BRD4: variants seen among roughly 807,000 people sequenced by gnomAD.
The protein encoded by BRD4 is bromodomain-containing protein 4.
A neutral mutation model predicts 142.1 loss-of-function variants in BRD4; 16 were observed. That is an observed-to-expected ratio of 0.11 (90% CI 0.08 to 0.17). The LOEUF (loss-of-function observed/expected upper bound fraction) is 0.17, where lower values mean the gene tolerates loss of function less well. Among genes scored for constraint, BRD4 ranks in the 10% least tolerant of loss-of-function variants. The probability of loss-of-function intolerance (pLI) is 1.00; values close to 1 mark genes in which losing one functional copy is unlikely to be tolerated. For synonymous variants in BRD4, 833 were observed against 707.5 expected (o/e 1.18, Z -2.82); for missense variants, 1,424 against 1,810.9 (o/e 0.79, Z 3.88).
At chr19:15,255,010 C>A (rs2047390756) in intron 10 of BRD4, among the ~76,000 whole-genome samples, 2 of 152,130 alleles carry the variant, frequency 1.3e-5, no homozygotes. Context: ...GAAGACTCAG[C>A]AGCAGGTAGC....
At chr19:15,290,754 A>G (rs2047775724) in intron 1 of BRD4, among the ~76,000 whole-genome samples, 1 of 152,270 alleles carries the variant, frequency 6.6e-6, no homozygotes, top group South Asian at 2.1e-4. Flanking sequence ...AGTGTGTTCC[A>G]TCTCATACCC....
intron 1 of BRD4, among the ~76,000 whole-genome samples, chr19:15,302,485 A>G (rs1294129078): frequency 6.6e-6 from 1 of 152,126 alleles, no homozygotes; most frequent in Non-Finnish European, 1.5e-5. Flanking sequence ...CCTGGCCAAC[A>G]TGGCAAAACC....
chr19:15,269,056 A>C lies in BRD4; in HGVS notation c.286-14T>G, dbSNP rs753457853. On this transcript the variant is annotated splice_polypyrimidine_tract_variant and intron_variant, in intron 2 of 19. Transcript: ENST00000679869. The stretch of plus-strand genomic sequence containing the variant: ...CTTATAGTAATCCTGGAGAGCAGAG[A>C]GCAAAAGTCCAGTGTCACCTAGGCA... The C allele has an allele frequency of 6.2e-7, 1 of 1,613,666 alleles. No individual in the cohort carries two copies. The highest frequency in any genetic ancestry group is 1.1e-5 in the South Asian group (1 of 91,030).
intron 11 of BRD4, chr19:15,248,608 C>T (rs758163537): frequency 8.8e-6 from 2 of 226,312 alleles, no homozygotes; most frequent in Non-Finnish European, 1.8e-5. Flanking sequence ...TGGAAATGCA[C>T]GGGAACAATG....
intron 11 of BRD4, chr19:15,249,393 C>T (rs909757746): frequency 2.3e-5 from 37 of 1,587,366 alleles, no homozygotes; most frequent in Non-Finnish European, 3.2e-5. Flanking sequence ...CCTCCTGCGC[C>T]CTGGTGGCTG....
chr19:15,264,830 G>A (rs2145601052), intron 5 of BRD4, 64 bp from the exon 6 acceptor site: 1 of 1,544,190 alleles, frequency 6.5e-7, no homozygotes, highest in South Asian at 1.3e-5. Context: ...CTGCCCTCAG[G>A]GTCACCCCCA....
At chr19:15,287,240 CTTTTT>C (rs200705352) in intron 1 of BRD4, among the ~76,000 whole-genome samples, 102 of 145,312 alleles carry the variant, frequency 7.0e-4, no homozygotes, top group South Asian at 2.0e-3. Flanking sequence ...TGCCTTTATT[CTTTTT>C]TTTTTTAAGA....
At chr19:15,283,773 T>C (rs2047721631) in intron 1 of BRD4, among the ~76,000 whole-genome samples, 1 of 152,222 alleles carries the variant, frequency 6.6e-6, no homozygotes, top group Admixed American at 6.5e-5. Flanking sequence ...CTTAAGTTTC[T>C]TCTCAAAGCA....
At position 15,236,896 on chromosome 19, in the gene BRD4, G is replaced by A. The variant is rs1244373138; in HGVS notation, c.*1481C>T. 1 of 200,308 alleles carries A rather than the reference G, an allele frequency of 5.0e-6. No individual in the cohort carries two copies. The highest frequency in any genetic ancestry group is 1.0e-5 in the Non-Finnish European group (1 of 97,236). 12.4% of individuals were successfully genotyped at this position (200,308 alleles called of 1,614,324 possible). A position where few individuals can be genotyped will look rare whatever the true frequency, so the allele number is the denominator to read the frequency against. ...AGTACAGACCAAATGCATATTCACC[G>A]TATGAAAGTCAAACCAGTCAGTGAC... On this transcript the variant is annotated 3_prime_UTR_variant, in exon 20 of 20. Transcript: ENST00000679869.
intron 1 of BRD4, among the ~76,000 whole-genome samples, 166 bp from the exon 2 acceptor site, chr19:15,273,299 G>GTC (rs1218791938): frequency 6.6e-6 from 1 of 152,156 alleles, no homozygotes; most frequent in Middle Eastern, 3.2e-3. Context: ...GGGTTCCAAT[G>GTC]TCTCCTCTCC....
chr19:15,253,733 T>C (rs771924364), intron 11 of BRD4: 2 of 1,598,382 alleles, frequency 1.3e-6, no homozygotes, highest in Non-Finnish European at 1.7e-6. Flanking sequence ...TGCACGTGAC[T>C]GTGATACGGG....
At chr19:15,253,923 G>T in intron 11 of BRD4, 1 of 783,542 alleles carries the variant, frequency 1.3e-6, no homozygotes, top group Non-Finnish European at 2.0e-6. Flanking sequence ...ACCAGACCCT[G>T]GCAGGGAGAG....
chr19:15,272,962 C>G lies in BRD4; in HGVS notation c.138G>C (p.Pro46=). ...TGTTAGGGTTGGAGGTCTCTGGGGGCGGGGGGTTGGTGCTGGCTGCGTTGG... is the reference window on the plus strand; with the variant it reads ...TGTTAGGGTTGGAGGTCTCTGGGGGGGGGGGGTTGGTGCTGGCTGCGTTGG... ...QPANAASTNP[P]PPETSNPNKP... The change falls in exon 2 of 20, where the codon CCG becomes CCC. Residue 46 remains proline, a synonymous_variant. Coordinates refer to ENST00000679869, the MANE Select transcript of BRD4 (RefSeq NM_001379291.1). 1.9e-6 allele frequency: 3 copies of G among 1,613,950 alleles called. No individual in the cohort carries two copies. The highest frequency in any genetic ancestry group is 2.5e-6 in the Non-Finnish European group (3 of 1,179,990).
At position 15,239,313 on chromosome 19, in the gene BRD4, G is replaced by A. The variant is rs1322686135; in HGVS notation, c.3577-49C>T. On this transcript the variant is annotated intron_variant, in intron 17 of 19. Transcript: ENST00000679869. The surrounding 1 kb of genome is among the most constrained non-coding windows in gnomAD (Gnocchi z 7.4). ...GGGTGAGGGGTCTGCTGTGCCTAAAGGGCATAGCTGGGGGTGTGCCCAGCA... is the reference window on the plus strand; with the variant it reads ...GGGTGAGGGGTCTGCTGTGCCTAAAAGGCATAGCTGGGGGTGTGCCCAGCA... 5 of 1,613,994 alleles carry A rather than the reference G, an allele frequency of 3.1e-6. No homozygotes were observed. In the South Asian group the frequency reaches 3.3e-5, roughly 11 times the overall value.
chr19:15,252,667 G>C (rs889422357), intron 11 of BRD4, among the ~76,000 whole-genome samples: 1 of 152,244 alleles, frequency 6.6e-6, no homozygotes, highest in Admixed American at 6.5e-5. Context: ...GTAACGGTTA[G>C]AGATGAAAGG....
At chr19:15,258,105 C>G (rs1947036474) in intron 7 of BRD4, among the ~76,000 whole-genome samples, 2 of 152,204 alleles carry the variant, frequency 1.3e-5, no homozygotes, top group African/African-American at 4.8e-5. Flanking sequence ...CCGCTTCAAA[C>G]CAGGAATAAA....
chr19:15,293,961 G>GC (rs2047803815), intron 1 of BRD4, among the ~76,000 whole-genome samples: 2 of 152,164 alleles, frequency 1.3e-5, no homozygotes, highest in Non-Finnish European at 2.9e-5. Context: ...CCAAGTTGTA[G>GC]CATGTGATAT....
At chr19:15,292,314 G>A (rs140106203) in intron 1 of BRD4, among the ~76,000 whole-genome samples, 108 of 152,116 alleles carry the variant, frequency 7.1e-4, no homozygotes, top group African/African-American at 2.5e-3. Flanking sequence ...ACTCAATTAC[G>A]GCTGCAGACT....
At position 15,243,486 on chromosome 19, in the gene BRD4, A is replaced by G. The variant is rs2145512444; in HGVS notation, c.2583T>C (p.Ala861=). The G allele has an allele frequency of 6.4e-7, 1 of 1,555,024 alleles. No individual in the cohort carries two copies. Residue 861 remains alanine (A), a splice_region_variant and synonymous_variant, in exon 14 of 20, where the codon GCT becomes GCC. Coordinates refer to ENST00000679869, the MANE Select transcript of BRD4 (RefSeq NM_001379291.1). ...LNQHAVVSPP[A]LHNALPQQPS... The stretch of plus-strand genomic sequence containing the variant: ...GCTGCTGGGGTAGTGCGTTGTGCAA[A>G]GCTGGAAGAACACAACACCGAGGCG...
Sources: gnomAD v4.1 joint callset for allele counts (sites outside exome capture counted in the v4.1 genomes callset) on GRCh38, gnomAD v4.1.1 for gene constraint, Gnocchi (gnomAD v3.1) non-coding constraint, MANE v1.5 for transcripts, NCBI Gene and HGNC (gene_info 2026-07-23, HGNC 2026-07-21) for gene names.